HS6ST3: variants seen among roughly 807,000 people sequenced by gnomAD.
The protein encoded by HS6ST3 is heparan-sulfate 6-O-sulfotransferase 3.
A neutral mutation model predicts 36.7 loss-of-function variants in HS6ST3; 12 were observed. The ratio of observed to expected loss-of-function variants is 0.33; its 90% CI spans 0.21 to 0.53. HS6ST3 has a LOEUF of 0.53. Among genes scored for constraint, HS6ST3 ranks in the 20% least tolerant of loss-of-function variants. The pLI is 0.95. For synonymous variants in HS6ST3, 240 were observed against 257.5 expected, an observed-to-expected ratio of 0.93 and a Z score of 0.65; for missense variants, 584 against 640.9, an observed-to-expected ratio of 0.91 and a Z score of 0.96.
chr13:96,381,443 A>T (rs2055341373), intron 1 of HS6ST3, among the ~76,000 whole-genome samples: 1 of 78,130 alleles, frequency 1.3e-5, no homozygotes, highest in African/African-American at 3.5e-5. Context: ...TCTATCACTC[A>T]TTCCAAGGCC....
intron 1 of HS6ST3, chr13:96,573,964 A>G: frequency 1.9e-6 from 1 of 536,824 alleles, no homozygotes; most frequent in South Asian, 1.4e-5. Flanking sequence ...GCTTTACCAA[A>G]CTCCACTGTC....
chr13:96,761,052 AC>A (rs1210714881), intron 1 of HS6ST3, among the ~76,000 whole-genome samples: 1 of 151,926 alleles, frequency 6.6e-6, no homozygotes, highest in African/African-American at 2.4e-5. Context: ...TTTCTAAGCC[AC>A]CTAGTTCCGT....
At chr13:96,332,148 C>G (rs187928201) in intron 1 of HS6ST3, among the ~76,000 whole-genome samples, 4 of 152,230 alleles carry the variant, frequency 2.6e-5, no homozygotes, top group African/African-American at 4.8e-5. Context: ...TCTTCTGTGT[C>G]GCTCGTGCTG....
intron 1 of HS6ST3, among the ~76,000 whole-genome samples, chr13:96,796,481 T>C (rs9584411): frequency 0.32 from 48,008 of 151,982 alleles, 9,707 homozygotes; most frequent in African/African-American, 0.59. Context: ...AATGAAGTTT[T>C]CAAGGTTAAC....
At chr13:96,742,704 A>G (rs774866396) in intron 1 of HS6ST3, among the ~76,000 whole-genome samples, 24 of 152,122 alleles carry the variant, frequency 1.6e-4, no homozygotes, top group Non-Finnish European at 2.6e-4. Context: ...CAAAATGCCA[A>G]TTTCTAAGTT....
chr13:96,234,974 A>G (rs1367155735), intron 1 of HS6ST3, among the ~76,000 whole-genome samples: 5 of 152,168 alleles, frequency 3.3e-5, no homozygotes, highest in Non-Finnish European at 7.3e-5. Flanking sequence ...ATTTATGCCT[A>G]GGGTTGCTCA....
At chr13:96,530,855 C>T (rs1204094529) in intron 1 of HS6ST3, among the ~76,000 whole-genome samples, 1 of 152,160 alleles carries the variant, frequency 6.6e-6, no homozygotes, top group Non-Finnish European at 1.5e-5. Flanking sequence ...TCTTGAGACA[C>T]AAATTTTAAT....
intron 1 of HS6ST3, among the ~76,000 whole-genome samples, chr13:96,651,045 A>C (rs926303842): frequency 6.6e-6 from 1 of 151,970 alleles, no homozygotes; most frequent in African/African-American, 2.4e-5. Context: ...AAATCCTTTA[A>C]TACCTCCCTA....
At chr13:96,446,127 C>T (rs1160912956) in intron 1 of HS6ST3, among the ~76,000 whole-genome samples, 1 of 149,572 alleles carries the variant, frequency 6.7e-6, no homozygotes, top group Non-Finnish European at 1.5e-5. Context: ...GAGCCGAGAT[C>T]ACACCACTGC....
intron 1 of HS6ST3, among the ~76,000 whole-genome samples, chr13:96,103,268 AT>A (rs1187527832): frequency 6.6e-6 from 1 of 152,226 alleles, no homozygotes; most frequent in Non-Finnish European, 1.5e-5. Flanking sequence ...GCATTGCATA[AT>A]TTGGCAGAGT....
At chr13:96,818,903 C>T (rs557942232) in intron 1 of HS6ST3, among the ~76,000 whole-genome samples, 1 of 152,328 alleles carries the variant, frequency 6.6e-6, no homozygotes, top group Non-Finnish European at 1.5e-5. Flanking sequence ...ATTGAATAAA[C>T]TCCCACTAGC....
chr13:96,770,842 A>T (rs1026667409), intron 1 of HS6ST3, among the ~76,000 whole-genome samples: 1 of 152,192 alleles, frequency 6.6e-6, no homozygotes, highest in Admixed American at 6.5e-5. Context: ...GCACATGCAT[A>T]ATCAGCTATT....
chr13:96,563,041 C>CAAAAA lies in HS6ST3; in HGVS notation c.708-269435_708-269431dup, dbSNP rs34175542. ...CAATGGAGCCAGTCAGCAGAAATAG[C>CAAAAA]AAAAAAAAAAAAAAAAAAGTCCAAG... On this transcript the variant is annotated intron_variant, in intron 1 of 1. Coordinates refer to ENST00000376705, the MANE Select transcript of HS6ST3 (RefSeq NM_153456.4). 6.3e-4 allele frequency among the ~76,000 whole-genome samples: 50 copies of CAAAAA among 79,400 alleles called. 1 individual carries two copies. The highest frequency in any genetic ancestry group is 2.0e-3 in the African/African-American group (50 of 25,070). 52.1% of individuals were successfully genotyped at this position (79,400 alleles called of 152,430 possible).
chr13:96,568,805 A>G (rs1400508994), intron 1 of HS6ST3, among the ~76,000 whole-genome samples: 2 of 152,190 alleles, frequency 1.3e-5, no homozygotes, highest in African/African-American at 2.4e-5. Context: ...TGGACATCTC[A>G]AATAACACTT....
At chr13:96,567,986 G>A (rs1449154147) in intron 1 of HS6ST3, among the ~76,000 whole-genome samples, 1 of 152,132 alleles carries the variant, frequency 6.6e-6, no homozygotes, top group Non-Finnish European at 1.5e-5. Context: ...GTAATTATGG[G>A]CATATAATGC....
chr13:96,414,075 C>T (rs909045937), intron 1 of HS6ST3, among the ~76,000 whole-genome samples: 1 of 152,146 alleles, frequency 6.6e-6, no homozygotes, highest in Admixed American at 6.5e-5. Flanking sequence ...TCTTTTAAAC[C>T]TACATGGTGA....
chr13:96,298,429 C>A (rs965118870), intron 1 of HS6ST3, among the ~76,000 whole-genome samples: 3 of 152,196 alleles, frequency 2.0e-5, no homozygotes, highest in South Asian at 4.1e-4. Context: ...TTCTTAGAAG[C>A]CTTCCTGCTG....
Position 96,344,341 on chromosome 13 carries a change from T to G in HS6ST3, c.707+252772T>G, listed in dbSNP as rs1287822235. On this transcript the variant is annotated intron_variant, in intron 1 of 1. Transcript: ENST00000376705. ...CTAATACAACTATAGAAATAACATG[T>G]GAGGAAGGGGATGCTTGTATATCTT... Among the ~76,000 whole-genome samples, 5 of 152,154 alleles carry G rather than the reference T, an allele frequency of 3.3e-5. No individual in the cohort carries two copies. In the East Asian group the frequency reaches 9.6e-4, roughly 29 times the overall value.
chr13:96,510,612 C>T (rs2056045780), intron 1 of HS6ST3, among the ~76,000 whole-genome samples: 1 of 152,102 alleles, frequency 6.6e-6, no homozygotes, highest in Admixed American at 6.6e-5. Flanking sequence ...AGTGTGTTGG[C>T]TTTCTTGAAC....
Sources: gnomAD v4.1 joint callset for allele counts (sites outside exome capture counted in the v4.1 genomes callset) on GRCh38, gnomAD v4.1.1 for gene constraint, MANE v1.5 for transcripts, NCBI Gene and HGNC (gene_info 2026-07-23, HGNC 2026-07-21) for gene names.